The following TBC1D31 variants were observed in gnomAD, a reference collection of about 807,000 sequenced individuals.
TBC1D31 encodes the protein WD repeat domain 67.
In TBC1D31, 99 loss-of-function variants were observed where a neutral mutation model predicts 132.9. That is an observed-to-expected ratio of 0.74 (90% CI 0.63 to 0.88). The LOEUF (loss-of-function observed/expected upper bound fraction) is 0.88. TBC1D31 is among the 40% of genes least tolerant of loss of function. The probability of loss-of-function intolerance (pLI) is 0.00; values close to 1 mark genes in which losing one functional copy is unlikely to be tolerated. For missense variants in TBC1D31, 1,134 were observed against 1,256.6 expected (o/e 0.90, Z 1.48); for synonymous variants, 385 against 419.4 (o/e 0.92, Z 1.00).
chr8:123,096,294 A>G (rs1586600788), intron 5 of TBC1D31, among the ~76,000 whole-genome samples: 2 of 151,548 alleles, frequency 1.3e-5, no homozygotes, highest in South Asian at 4.2e-4. Context: ...AGTCTGCTCT[A>G]GCCACATCCG....
intron 17 of TBC1D31, among the ~76,000 whole-genome samples, chr8:123,138,242 A>G (rs1233437535): frequency 6.6e-6 from 1 of 152,144 alleles, no homozygotes; most frequent in Admixed American, 6.5e-5. Flanking sequence ...TGTAACTGTC[A>G]TTGGTAGTGG....
intron 20 of TBC1D31, among the ~76,000 whole-genome samples, chr8:123,148,699 C>T (rs1822476359): frequency 6.6e-6 from 1 of 152,164 alleles, no homozygotes; most frequent in Non-Finnish European, 1.5e-5. Context: ...TGACCTTATT[C>T]CATTTGCTAC....
chr8:123,163,373 T>TTTA, the TBC1D31 span, among the ~76,000 whole-genome samples: 1 of 145,564 alleles, frequency 6.9e-6, no homozygotes, highest in Non-Finnish European at 1.5e-5. Flanking sequence ...CCTTTTTTTT[T>TTTA]TTTTTTTTTG....
At chr8:123,155,241 T>G (rs1412563740), downstream of TBC1D31, among the ~76,000 whole-genome samples, 2 of 152,132 alleles carry the variant, frequency 1.3e-5, no homozygotes, top group African/African-American at 4.8e-5. This position sits in a 1 kb window ranked among gnomAD's most constrained non-coding sequence, Gnocchi z 4.1. Context: ...GCCCAAAAGC[T>G]ACTTCCTTTA....
intron 12 of TBC1D31, 129 bp downstream of exon 12, chr8:123,126,318 C>A (rs1820029305): frequency 7.7e-7 from 1 of 1,298,954 alleles, no homozygotes; most frequent in Middle Eastern, 2.5e-4. Flanking sequence ...TAACAGTATT[C>A]CATTCTTTTT....
intron 17 of TBC1D31, among the ~76,000 whole-genome samples, chr8:123,139,386 C>T (rs1306080255): frequency 6.6e-6 from 1 of 152,146 alleles, no homozygotes; most frequent in African/African-American, 2.4e-5. Flanking sequence ...TGCTTAGTGA[C>T]TTTTCTGAAC....
At chr8:123,092,808 A>ATTTTTTTTTTTTTTTTTTT (rs71573666) in intron 4 of TBC1D31, among the ~76,000 whole-genome samples, 1 of 103,528 alleles carries the variant, frequency 9.7e-6, no homozygotes, top group Non-Finnish European at 1.9e-5. Flanking sequence ...CACCCGGCTA[A>ATTTTTTTTTTTTTTTTTTT]TTTTTTTTTT....
chr8:123,143,079 T>G (rs920554711), intron 19 of TBC1D31, among the ~76,000 whole-genome samples: 2 of 152,176 alleles, frequency 1.3e-5, no homozygotes, highest in Admixed American at 6.5e-5. Flanking sequence ...ATGGCTTTCA[T>G]TTTCAAGGTT....
chr8:123,093,373 T>A (rs1327408995), intron 4 of TBC1D31, among the ~76,000 whole-genome samples: 1 of 152,072 alleles, frequency 6.6e-6, no homozygotes, highest in Non-Finnish European at 1.5e-5. Flanking sequence ...TGCCTAGTCA[T>A]TATAGTGTAC....
intron 11 of TBC1D31, among the ~76,000 whole-genome samples, chr8:123,123,894 C>A (rs1246280573): frequency 6.6e-6 from 1 of 152,074 alleles, no homozygotes; most frequent in African/African-American, 2.4e-5. Flanking sequence ...ATTAACTTCG[C>A]TTGGTACACT....
chr8:123,161,636 T>G, the TBC1D31 span, among the ~76,000 whole-genome samples: 1 of 152,208 alleles, frequency 6.6e-6, no homozygotes, highest in Non-Finnish European at 1.5e-5. Context: ...AACAGTTTCA[T>G]TATAAACAAT....
At chr8:123,112,452 T>G (rs1381303519) in intron 10 of TBC1D31, among the ~76,000 whole-genome samples, 2 of 152,350 alleles carry the variant, frequency 1.3e-5, no homozygotes, top group East Asian at 3.9e-4. Flanking sequence ...TTTACAAATA[T>G]GTTTGTATTT....
chr8:123,116,519 C>T (rs562410309), intron 10 of TBC1D31, among the ~76,000 whole-genome samples: 18 of 152,122 alleles, frequency 1.2e-4, no homozygotes, highest in East Asian at 7.7e-4. Flanking sequence ...TAGTTCTTAA[C>T]GTATATGCAG....
intron 13 of TBC1D31, 108 bp downstream of exon 13, chr8:123,126,795 G>A (rs1039841150): frequency 2.3e-5 from 23 of 980,742 alleles, no homozygotes; most frequent in Non-Finnish European, 3.2e-5. Flanking sequence ...AGGCTGGAGT[G>A]CAATGGCGCG....
chr8:123,117,043 G>A (rs976494581), intron 10 of TBC1D31, among the ~76,000 whole-genome samples: 4 of 152,172 alleles, frequency 2.6e-5, no homozygotes, highest in East Asian at 3.8e-4. Context: ...GCCTGGGCAC[G>A]GTGGCTCACG....
downstream of TBC1D31, among the ~76,000 whole-genome samples, chr8:123,152,509 G>A (rs1822868779): frequency 6.6e-6 from 1 of 152,034 alleles, no homozygotes; most frequent in South Asian, 2.1e-4. Context: ...TCCAGAGTGG[G>A]GCTGCTTGTG....
At chr8:123,141,346 G>A (rs865925857) in intron 18 of TBC1D31, among the ~76,000 whole-genome samples, 1 of 142,296 alleles carries the variant, frequency 7.0e-6, no homozygotes, top group South Asian at 2.3e-4. Context: ...GTATTGTGTG[G>A]ACTATTAACT....
chr8:123,137,109 A>G (rs1821172127), intron 17 of TBC1D31, among the ~76,000 whole-genome samples: 1 of 152,240 alleles, frequency 6.6e-6, no homozygotes, highest in East Asian at 1.9e-4. Context: ...TTTGAATCAA[A>G]TTATTGTTCA....
At position 123,100,802 on chromosome 8, in the gene TBC1D31, C is replaced by A; in HGVS notation, c.832-5C>A. 6.2e-7 allele frequency: 1 copy of A among 1,607,528 alleles called. No individual in the cohort carries two copies. The highest frequency in any genetic ancestry group is 8.5e-7 in the Non-Finnish European group (1 of 1,174,580). On this transcript the variant is annotated splice_region_variant and splice_polypyrimidine_tract_variant and intron_variant, in intron 6 of 21. Coordinates refer to ENST00000287380, the MANE Select transcript of TBC1D31 (RefSeq NM_145647.4). ...TTTTAGGAATTTATATTTTTTCTCT[C>A]TTAGGTTCTTGGAGTACTAAGTCAA... is the stretch of plus-strand genomic sequence containing the variant.
Sources: allele counts gnomAD v4.1 joint callset (sites outside exome capture counted in the v4.1 genomes callset), GRCh38; gene constraint gnomAD v4.1.1; non-coding constraint Gnocchi (gnomAD v3.1); transcripts MANE v1.5; gene names NCBI Gene and HGNC (gene_info 2026-07-23, HGNC 2026-07-21).